ASH1L: variants seen among roughly 807,000 people sequenced by gnomAD.
The protein encoded by ASH1L is ASH1 like histone lysine methyltransferase.
A neutral mutation model predicts 269.0 loss-of-function variants in ASH1L; 23 were observed. The observed-to-expected ratio is 0.09, with a 90% confidence interval of 0.06 to 0.12. ASH1L has a LOEUF of 0.12. Ranked by LOEUF, ASH1L falls within the 10% of genes least tolerant of loss-of-function variation. ASH1L has a pLI of 1.00. For synonymous variants in ASH1L, 1,187 were observed against 1,253.5 expected (o/e 0.95, Z 1.12); for missense variants, 2,912 against 3,567.8 (o/e 0.82, Z 4.68).
At chr1:155,391,279 T>G (rs1657909187) in intron 7 of ASH1L, among the ~76,000 whole-genome samples, 1 of 152,192 alleles carries the variant, frequency 6.6e-6, no homozygotes, top group African/African-American at 2.4e-5. Flanking sequence ...CAAGTTCAAC[T>G]GACACTTCTG....
upstream of ASH1L, chr1:155,562,813 C>T (rs1452759561): frequency 1.4e-5 from 8 of 589,682 alleles, no homozygotes; most frequent in African/African-American, 1.9e-5. Context: ...CCTCCTCCTC[C>T]TCCTCCACCT....
At chr1:155,537,570 T>A (rs528213211) in intron 1 of ASH1L, among the ~76,000 whole-genome samples, 4 of 152,226 alleles carry the variant, frequency 2.6e-5, no homozygotes, top group East Asian at 3.9e-4. Flanking sequence ...CTACAGGATA[T>A]CCATCTGCAA....
At chr1:155,541,846 G>A (rs1670446243) in intron 1 of ASH1L, among the ~76,000 whole-genome samples, 2 of 151,998 alleles carry the variant, frequency 1.3e-5, no homozygotes, top group South Asian at 4.1e-4. Context: ...TGGGAGGAAA[G>A]TATGCATCTC....
chr1:155,475,566 C>G (rs1665477321), intron 3 of ASH1L, among the ~76,000 whole-genome samples: 1 of 152,146 alleles, frequency 6.6e-6, no homozygotes. Context: ...AACTTTATAG[C>G]ATTTTTCTCA....
intron 1 of ASH1L, among the ~76,000 whole-genome samples, chr1:155,545,316 T>C (rs957848841): frequency 6.6e-6 from 1 of 151,346 alleles, no homozygotes; most frequent in African/African-American, 2.4e-5. Context: ...GTAATATTTA[T>C]ACTATCCATT....
In ASH1L at chr1:155,482,116, C is replaced by T; in HGVS notation, c.754G>A (p.Asp252Asn). The T allele has an allele frequency of 6.2e-7, 1 of 1,614,040 alleles. No individual in the cohort carries two copies. The highest frequency in any genetic ancestry group is 1.3e-5 in the African/African-American group (1 of 74,976). ...CCAACACCTGCTTTCCTGATCAAATCCTTGCTAACCAATCCTGCTGTAGTG... is the reference window on the plus strand; with the variant it reads ...CCAACACCTGCTTTCCTGATCAAATTCTTGCTAACCAATCCTGCTGTAGTG... ...TGTTAGLVSK[D>N]LIRKAGVGSV... The change falls in exon 3 of 28, where the codon GAT (aspartate) becomes AAT (asparagine). Residue 252 changes from aspartate (D) to asparagine (N), a missense_variant. Asp to Asn is a conservative substitution (Grantham distance 23). Transcript: ENST00000392403.
At chr1:155,503,112 A>G (rs951148755) in intron 2 of ASH1L, among the ~76,000 whole-genome samples, 16 of 152,170 alleles carry the variant, frequency 1.1e-4, no homozygotes, top group Admixed American at 9.8e-4. Context: ...CTACACAATA[A>G]TCACACTCAG....
intron 3 of ASH1L, among the ~76,000 whole-genome samples, chr1:155,470,895 A>G (rs1322991190): frequency 6.6e-6 from 1 of 152,322 alleles, no homozygotes; most frequent in East Asian, 1.9e-4. Flanking sequence ...AGCTACCATC[A>G]TAAGGGAATA....
chr1:155,491,438 T>C (rs1271401881), intron 2 of ASH1L, among the ~76,000 whole-genome samples: 4 of 152,138 alleles, frequency 2.6e-5, no homozygotes, highest in Non-Finnish European at 4.4e-5. Flanking sequence ...TGAAAAACTG[T>C]ACTAATTACC....
intron 2 of ASH1L, among the ~76,000 whole-genome samples, chr1:155,500,011 C>T (rs963700853): frequency 6.6e-6 from 1 of 152,218 alleles, no homozygotes; most frequent in African/African-American, 2.4e-5. Flanking sequence ...GTTCCTACTA[C>T]ATAATGAAAG....
chr1:155,417,492 G>A (rs1411627629), intron 5 of ASH1L, among the ~76,000 whole-genome samples: 1 of 152,100 alleles, frequency 6.6e-6, no homozygotes, highest in Non-Finnish European at 1.5e-5. Flanking sequence ...GCTGAACAAG[G>A]AACTACCAGA....
intron 6 of ASH1L, among the ~76,000 whole-genome samples, chr1:155,410,644 T>C (rs1215043683): frequency 6.6e-6 from 1 of 151,298 alleles, no homozygotes; most frequent in Non-Finnish European, 1.5e-5. Context: ...CTGGCCTTTA[T>C]TTTTATTCTG....
chr1:155,350,677 C>T (rs2148347543), intron 17 of ASH1L, among the ~76,000 whole-genome samples: 1 of 152,220 alleles, frequency 6.6e-6, no homozygotes, highest in South Asian at 2.1e-4. Flanking sequence ...AATCCCAGCA[C>T]TTTGAGAGGT....
In ASH1L at chr1:155,480,675, T is replaced by C; in HGVS notation, c.2195A>G (p.Lys732Arg). 1.9e-6 allele frequency: 3 copies of C among 1,613,912 alleles called. No individual in the cohort carries two copies. The highest frequency in any genetic ancestry group is 2.5e-6 in the Non-Finnish European group (3 of 1,179,958). Residue 732 changes from lysine to arginine, a missense_variant, in exon 3 of 28, where the codon AAA (lysine) becomes AGA (arginine). This residue lies in a region of ASH1L where 715 missense variants were observed against 721.0 expected (regional missense o/e 0.99). Coordinates refer to ENST00000392403, the MANE Select transcript of ASH1L (RefSeq NM_018489.3). ...CTCTGATCTTTCTAATTCTAGCCCT[T>C]TTGGAGACCGGCATGTGCTTCTTGC... ...VVARSTCRSP[K>R]GLELERSELF...
At chr1:155,397,748 G>C (rs751399269) in intron 6 of ASH1L, among the ~76,000 whole-genome samples, 4 of 152,044 alleles carry the variant, frequency 2.6e-5, no homozygotes, top group Non-Finnish European at 5.9e-5. Context: ...TTTTAGTAGA[G>C]ACAGGGTTTT....
chr1:155,539,777 T>C (rs778025127), intron 1 of ASH1L, among the ~76,000 whole-genome samples: 1 of 151,534 alleles, frequency 6.6e-6, no homozygotes, highest in Non-Finnish European at 1.5e-5. Context: ...CTCATGCCTG[T>C]AATCCCAGCA....
chr1:155,515,545 T>C (rs890388148), intron 2 of ASH1L, among the ~76,000 whole-genome samples: 10 of 152,058 alleles, frequency 6.6e-5, no homozygotes, highest in Non-Finnish European at 1.3e-4. Flanking sequence ...TCATGGTCAA[T>C]GGCCGGACAC....
chr1:155,377,985 T>C (rs1373860341), intron 10 of ASH1L, among the ~76,000 whole-genome samples: 2 of 150,576 alleles, frequency 1.3e-5, no homozygotes, highest in Non-Finnish European at 2.9e-5. Context: ...ATCGCGCCAC[T>C]GCACTCCAGC....
At chr1:155,530,844 C>A (rs371689028) in intron 1 of ASH1L, among the ~76,000 whole-genome samples, 1 of 151,902 alleles carries the variant, frequency 6.6e-6, no homozygotes, top group East Asian at 1.9e-4. Context: ...TCTAGGAGGT[C>A]GAGGCTGCAG....
Sources: allele counts gnomAD v4.1 joint callset (sites outside exome capture counted in the v4.1 genomes callset), GRCh38; gene constraint gnomAD v4.1.1; regional missense constraint gnomAD v4.1.1; transcripts MANE v1.5; gene names NCBI Gene and HGNC (gene_info 2026-07-23, HGNC 2026-07-21).